Variants in DLG2 observed in about 807,000 individuals in gnomAD.
DLG2 encodes discs large MAGUK scaffold protein 2, also known as disks large homolog 2.
Under a neutral mutation model 132.5 loss-of-function variants are expected in DLG2, and 45 were observed. The ratio of observed to expected loss-of-function variants is 0.34; its 90% CI spans 0.27 to 0.44. The LOEUF (loss-of-function observed/expected upper bound fraction) is 0.44. Ranked by LOEUF, DLG2 falls within the 20% of genes least tolerant of loss-of-function variation. DLG2 has a pLI of 1.00. For missense variants in DLG2, 1,045 were observed against 1,196.9 expected (o/e 0.87, Z 1.87); for synonymous variants, 424 against 419.6 (o/e 1.01, Z -0.13).
intron 6 of DLG2, among the ~76,000 whole-genome samples, chr11:84,598,686 G>A (rs745416323): frequency 1.6e-4 from 25 of 151,728 alleles, no homozygotes; most frequent in Non-Finnish European, 2.4e-4. Flanking sequence ...AGCACTCTAG[G>A]AGGCCAGGGC....
At chr11:84,334,935 T>C (rs2154403027) in intron 7 of DLG2, among the ~76,000 whole-genome samples, 1 of 152,108 alleles carries the variant, frequency 6.6e-6, no homozygotes, top group East Asian at 1.9e-4. Context: ...ACTTGGCAAA[T>C]AAAATCAGAA....
chr11:85,236,489 C>T (rs1200477856), intron 4 of DLG2, among the ~76,000 whole-genome samples: 1 of 151,906 alleles, frequency 6.6e-6, no homozygotes, highest in African/African-American at 2.4e-5. Flanking sequence ...TATAAGGATA[C>T]CAGTCATATT....
chr11:84,365,284 T>C (rs2098675123), intron 7 of DLG2, among the ~76,000 whole-genome samples: 2 of 152,176 alleles, frequency 1.3e-5, no homozygotes, highest in South Asian at 4.1e-4. Context: ...TTCTAGATTT[T>C]CTAGTTTATT....
rs979267165 is a variant in DLG2 at position 85,506,713 on chromosome 11, T to C, written c.40+91944A>G. Among the ~76,000 whole-genome samples, 4 of 152,172 alleles carry C rather than the reference T, an allele frequency of 2.6e-5. No individual in the cohort carries two copies. In the South Asian group the frequency reaches 8.3e-4, roughly 32 times the overall value. On this transcript the variant is annotated intron_variant, in intron 3 of 27. Transcript: ENST00000376104. ...ATTCTGTTGATTTGGGGTGGAGAGT[T>C]CTGTAGATGTCTATTAGGTCCGCTT...
chr11:84,506,528 G>C (rs2099241781), intron 7 of DLG2, among the ~76,000 whole-genome samples: 1 of 152,168 alleles, frequency 6.6e-6, no homozygotes, highest in African/African-American at 2.4e-5. Flanking sequence ...GAACATTCTA[G>C]AAACTTCATC....
chr11:85,271,806 C>T (rs118173948), intron 4 of DLG2, among the ~76,000 whole-genome samples: 3,024 of 152,340 alleles, frequency 0.02, 60 homozygotes, highest in Admixed American at 0.037. Flanking sequence ...GCCTGTACCC[C>T]TATTGTATCT....
intron 7 of DLG2, among the ~76,000 whole-genome samples, chr11:84,374,217 C>G (rs940015425): frequency 6.6e-6 from 1 of 152,156 alleles, no homozygotes; most frequent in Non-Finnish European, 1.5e-5. Context: ...GCTCAGGGAA[C>G]TTTTTCCCCA....
At chr11:85,051,302 T>C (rs1056464347) in intron 6 of DLG2, among the ~76,000 whole-genome samples, 8 of 152,168 alleles carry the variant, frequency 5.3e-5, no homozygotes, top group African/African-American at 1.9e-4. Flanking sequence ...ATTCTAACTC[T>C]GTAAGAAGAT....
chr11:84,844,366 G>A lies in DLG2; in HGVS notation c.357+267295C>T, dbSNP rs190463645. 3.8e-4 allele frequency among the ~76,000 whole-genome samples: 57 copies of A among 151,690 alleles called. No homozygotes were observed. In the East Asian group the frequency reaches 0.011, roughly 29 times the overall value. ...CTAGCACAGAATACATACAAAATGG[G>A]TATATCTGTTATGATTAGTATTGGT... On this transcript the variant is annotated intron_variant, in intron 6 of 27. Transcript: ENST00000376104.
At chr11:85,243,648 T>A (rs2076000838) in intron 4 of DLG2, among the ~76,000 whole-genome samples, 1 of 151,744 alleles carries the variant, frequency 6.6e-6, no homozygotes, top group South Asian at 2.1e-4. Flanking sequence ...TATTGCAAAG[T>A]CAAAGAGAAA....
chr11:84,151,130 G>T (rs901705178), intron 9 of DLG2, among the ~76,000 whole-genome samples: 4 of 151,706 alleles, frequency 2.6e-5, no homozygotes, highest in Admixed American at 1.3e-4. Context: ...TGTAGAATGG[G>T]TTAGGGAGGG....
chr11:84,113,843 T>G (rs1427202761), intron 9 of DLG2, among the ~76,000 whole-genome samples: 3 of 152,146 alleles, frequency 2.0e-5, no homozygotes, highest in Non-Finnish European at 2.9e-5. Flanking sequence ...GATTCCACCT[T>G]GCAGCTAAAC....
At position 85,047,948 on chromosome 11, in the gene DLG2, G is replaced by A. The variant is rs894696706; in HGVS notation, c.357+63713C>T. Among the ~76,000 whole-genome samples the A allele has an allele frequency of 2.6e-5, 4 of 151,778 alleles. No individual in the cohort carries two copies. In the East Asian group the frequency reaches 5.8e-4, roughly 22 times the overall value. On this transcript the variant is annotated intron_variant, in intron 6 of 27. Coordinates refer to ENST00000376104, the MANE Select transcript of DLG2 (RefSeq NM_001142699.3). ...TGAGAGTTTTACCTGTTATCTCCAC[G>A]AGAATTCTACTCCTGTTGCCTGAGA...
chr11:84,436,089 A>G (rs190977078), intron 7 of DLG2, among the ~76,000 whole-genome samples: 53 of 152,306 alleles, frequency 3.5e-4, no homozygotes, highest in Admixed American at 2.3e-3. Flanking sequence ...TTCAATATAT[A>G]TGATACTAGT....
chr11:83,764,927 C>T (rs543681224), intron 18 of DLG2, among the ~76,000 whole-genome samples: 59 of 152,280 alleles, frequency 3.9e-4, no homozygotes, highest in African/African-American at 1.4e-3. Flanking sequence ...GGCTGATAGG[C>T]CTGCCCTGTA....
chr11:85,047,035 C>T (rs1159263877), intron 6 of DLG2, among the ~76,000 whole-genome samples: 1 of 151,926 alleles, frequency 6.6e-6, no homozygotes, highest in Non-Finnish European at 1.5e-5. Flanking sequence ...AAATAAGATG[C>T]TAAAATATAG....
chr11:84,067,571 C>G (rs1246332482), intron 10 of DLG2, among the ~76,000 whole-genome samples: 2 of 151,962 alleles, frequency 1.3e-5, no homozygotes, highest in African/African-American at 4.8e-5. Flanking sequence ...CACACACACA[C>G]ACACACACAC....
chr11:85,459,750 T>C (rs897751315), intron 3 of DLG2, among the ~76,000 whole-genome samples: 12 of 151,950 alleles, frequency 7.9e-5, no homozygotes, highest in African/African-American at 1.9e-4. Context: ...TCCAGAGGGG[T>C]TGTGGGCTGT....
chr11:84,786,616 C>T (rs2072939652), intron 6 of DLG2, among the ~76,000 whole-genome samples: 2 of 152,192 alleles, frequency 1.3e-5, no homozygotes, highest in African/African-American at 4.8e-5. Flanking sequence ...ACATCAATTC[C>T]ATTGTTAGGC....
Sources: allele counts gnomAD v4.1 joint callset (sites outside exome capture counted in the v4.1 genomes callset), GRCh38; gene constraint gnomAD v4.1.1; transcripts MANE v1.5; gene names NCBI Gene and HGNC (gene_info 2026-07-23, HGNC 2026-07-21).